The following NCEH1 variants were observed in gnomAD, a reference collection of about 807,000 sequenced individuals.
NCEH1 encodes 2-acetyl MAGE hydrolase.
Under a neutral mutation model 25.4 loss-of-function variants are expected in NCEH1, and 9 were observed. That is an observed-to-expected ratio of 0.35 (90% CI 0.21 to 0.62). NCEH1 has a LOEUF of 0.62. NCEH1 is among the 20% of genes least tolerant of loss of function. NCEH1 has a pLI of 0.72. For missense variants in NCEH1, 412 were observed against 501.1 expected, an observed-to-expected ratio of 0.82 and a Z score of 1.70; for synonymous variants, 200 against 199.8, an observed-to-expected ratio of 1.00 and a Z score of -0.01.
chr3:172,708,424 C>T (rs538885983), intron 1 of NCEH1, among the ~76,000 whole-genome samples: 9 of 152,280 alleles, frequency 5.9e-5, no homozygotes, highest in East Asian at 1.9e-4. Context: ...GGCACAATCT[C>T]GACTCAACGC....
intron 1 of NCEH1, among the ~76,000 whole-genome samples, chr3:172,649,091 A>G (rs1405002707): frequency 2.6e-5 from 4 of 152,170 alleles, no homozygotes; most frequent in Admixed American, 6.5e-5. Context: ...ACAGCTTCTC[A>G]GGCTGTGCAC....
chr3:172,655,113 G>C (rs1355312321), intron 1 of NCEH1, among the ~76,000 whole-genome samples: 1 of 152,202 alleles, frequency 6.6e-6, no homozygotes, highest in Non-Finnish European at 1.5e-5. Flanking sequence ...CAAGTAACCT[G>C]AAAGTAACAA....
intron 1 of NCEH1, among the ~76,000 whole-genome samples, chr3:172,696,160 G>A (rs1219073561): frequency 6.6e-6 from 1 of 152,080 alleles, no homozygotes; most frequent in Non-Finnish European, 1.5e-5. Flanking sequence ...AAGCCTTGAA[G>A]GAGGTACTGT....
intron 4 of NCEH1, 60 bp downstream of exon 4, chr3:172,635,856 G>T: frequency 6.7e-7 from 1 of 1,496,174 alleles, no homozygotes; most frequent in Non-Finnish European, 9.2e-7. Context: ...GGGTGTGTTG[G>T]TCTGCTAGAC....
intron 4 of NCEH1, among the ~76,000 whole-genome samples, chr3:172,635,685 G>A (rs895920338): frequency 3.3e-5 from 5 of 152,142 alleles, no homozygotes; most frequent in Admixed American, 6.5e-5. Flanking sequence ...AACACTGACT[G>A]TAATCAGGGA....
chr3:172,675,414 T>G (rs1711938072), intron 1 of NCEH1, among the ~76,000 whole-genome samples: 1 of 151,212 alleles, frequency 6.6e-6, no homozygotes, highest in Non-Finnish European at 1.5e-5. Context: ...CTGCACATTG[T>G]GCACAAGTAT....
intron 1 of NCEH1, among the ~76,000 whole-genome samples, chr3:172,709,389 C>A (rs141603100): frequency 8.9e-4 from 136 of 152,292 alleles, no homozygotes; most frequent in African/African-American, 3.1e-3. Context: ...GTATTACTTT[C>A]AAATTACATA....
chr3:172,637,598 CA>C (rs1356222763), intron 3 of NCEH1, among the ~76,000 whole-genome samples: 1 of 150,638 alleles, frequency 6.6e-6, no homozygotes, highest in Non-Finnish European at 1.5e-5. Context: ...ACTAAAAATA[CA>C]AAAAAAGGGC....
At chr3:172,642,621 A>AG (rs1369282644) in intron 3 of NCEH1, among the ~76,000 whole-genome samples, 14 of 149,506 alleles carry the variant, frequency 9.4e-5, no homozygotes, top group Non-Finnish European at 1.5e-4. Context: ...AAAAAAAAAA[A>AG]AAAGAAAAAG....
At chr3:172,649,346 A>T (rs990398458) in intron 1 of NCEH1, among the ~76,000 whole-genome samples, 3 of 152,240 alleles carry the variant, frequency 2.0e-5, no homozygotes, top group Non-Finnish European at 2.9e-5. Flanking sequence ...AACAAGAACA[A>T]GAGGCAGTTA....
chr3:172,682,588 G>A (rs1454586224), intron 1 of NCEH1, among the ~76,000 whole-genome samples: 1 of 152,090 alleles, frequency 6.6e-6, no homozygotes, highest in Non-Finnish European at 1.5e-5. Context: ...GGACTTTGGG[G>A]GTAGGTTTGC....
intron 1 of NCEH1, among the ~76,000 whole-genome samples, chr3:172,684,380 G>C (rs915457269): frequency 6.6e-6 from 1 of 152,060 alleles, no homozygotes; most frequent in Non-Finnish European, 1.5e-5. Context: ...TTTTACTTTA[G>C]CAAATACCCA....
intron 1 of NCEH1, among the ~76,000 whole-genome samples, chr3:172,676,958 C>T (rs970736523): frequency 1.3e-5 from 2 of 152,234 alleles, no homozygotes; most frequent in African/African-American, 2.4e-5. Flanking sequence ...AAATTTTTTT[C>T]CAGTGCCTCA....
At chr3:172,670,575 T>TA (rs561006634) in intron 1 of NCEH1, among the ~76,000 whole-genome samples, 7 of 152,340 alleles carry the variant, frequency 4.6e-5, no homozygotes, top group Admixed American at 2.0e-4. Context: ...AAGGGACTCT[T>TA]ACGGCCATCA....
intron 1 of NCEH1, among the ~76,000 whole-genome samples, chr3:172,692,202 G>C: frequency 6.6e-6 from 1 of 152,174 alleles, no homozygotes; most frequent in South Asian, 2.1e-4. Context: ...GATACAGCAA[G>C]AAAGACAGAC....
Position 172,633,456 on chromosome 3 carries a change from T to C in NCEH1, c.*19A>G. 1 of 1,603,668 alleles carries C rather than the reference T, an allele frequency of 6.2e-7. No homozygotes were observed. Among genetic ancestry groups the C allele is most frequent in the Non-Finnish European group, 8.5e-7 (1 of 1,173,856 alleles). On this transcript the variant is annotated 3_prime_UTR_variant, in exon 5 of 5. Coordinates refer to ENST00000475381, the MANE Select transcript of NCEH1 (RefSeq NM_020792.6). The stretch of plus-strand genomic sequence containing the variant: ...TAGGAGGTCAAGAGGGGCTCGAGGC[T>C]TCTGGAAGTTTTGCTCCTTTACAGG...
chr3:172,701,537 C>A (rs1324134716), intron 1 of NCEH1, among the ~76,000 whole-genome samples: 2 of 149,334 alleles, frequency 1.3e-5, no homozygotes, highest in African/African-American at 5.0e-5. Flanking sequence ...GCAACCTCCA[C>A]CTCCCAGATT....
chr3:172,668,769 A>G (rs1010096827), intron 1 of NCEH1, among the ~76,000 whole-genome samples: 1 of 152,200 alleles, frequency 6.6e-6, no homozygotes, highest in Admixed American at 6.5e-5. Flanking sequence ...GCAGGAAAAC[A>G]TAAAACTCTA....
intron 4 of NCEH1, 89 bp from the exon 5 acceptor site, chr3:172,634,181 C>T: frequency 8.1e-7 from 1 of 1,231,118 alleles, no homozygotes; most frequent in Admixed American, 2.2e-5. Context: ...ATGTGTTACT[C>T]TGAATCTGTC....
Sources: allele counts gnomAD v4.1 joint callset (sites outside exome capture counted in the v4.1 genomes callset), GRCh38; gene constraint gnomAD v4.1.1; transcripts MANE v1.5; gene names NCBI Gene and HGNC (gene_info 2026-07-23, HGNC 2026-07-21).